The following OXSR1 variants were observed in gnomAD, a reference collection of about 807,000 sequenced individuals.
OXSR1 encodes serine/threonine-protein kinase OSR1.
Under a neutral mutation model 79.8 loss-of-function variants are expected in OXSR1, and 24 were observed. The ratio of observed to expected loss-of-function variants is 0.30; its 90% CI spans 0.22 to 0.42. OXSR1 has a LOEUF of 0.42. Ranked by LOEUF, OXSR1 falls within the 10% of genes least tolerant of loss-of-function variation. The pLI, the probability that OXSR1 is intolerant of heterozygous loss-of-function variation, is 1.00. For missense variants in OXSR1, 430 were observed against 618.4 expected (o/e 0.70, Z 3.23); for synonymous variants, 226 against 209.2 (o/e 1.08, Z -0.69).
At chr3:38,247,083 T>G (rs967073677) in intron 13 of OXSR1, among the ~76,000 whole-genome samples, 1 of 152,118 alleles carries the variant, frequency 6.6e-6, no homozygotes, top group African/African-American at 2.4e-5. Context: ...TCCCTCAAGC[T>G]TTCCATTTCT....
At chr3:38,213,259 G>T (rs191663321) in intron 4 of OXSR1, among the ~76,000 whole-genome samples, 71 of 152,244 alleles carry the variant, frequency 4.7e-4, no homozygotes, top group Non-Finnish European at 9.1e-4. Flanking sequence ...TTCCTGTGAT[G>T]TCATGAAAAT....
chr3:38,185,420 A>G (rs1348688538), intron 2 of OXSR1, among the ~76,000 whole-genome samples: 3 of 151,848 alleles, frequency 2.0e-5, no homozygotes, highest in African/African-American at 7.3e-5. Flanking sequence ...CCCTGTCTCT[A>G]TTAAAACAAT....
rs748449416 is a variant in OXSR1 at position 38,253,174 on chromosome 3, A to G, written c.*283A>G. On this transcript the variant is annotated 3_prime_UTR_variant, in exon 18 of 18. Coordinates refer to ENST00000311806, the MANE Select transcript of OXSR1 (RefSeq NM_005109.3). ...AAGTGGCCCATGTGCTTCAAGGCCC[A>G]GGAGGGAGATCTGTCAGCTCATTCT... 19 of 399,856 alleles carry G rather than the reference A, an allele frequency of 4.8e-5. No homozygotes were observed. Among genetic ancestry groups the G allele is most frequent in the African/African-American group, 8.2e-5 (4 of 48,534 alleles). 24.8% of individuals were successfully genotyped at this position (399,856 alleles called of 1,614,324 possible).
At position 38,253,824 on chromosome 3, in the gene OXSR1, G is replaced by A. The variant is rs1703307837; in HGVS notation, c.*933G>A. The A allele has an allele frequency of 4.7e-6, 1 of 210,824 alleles. No homozygotes were observed. Among genetic ancestry groups the A allele is most frequent in the South Asian group, 1.9e-4 (1 of 5,360 alleles). The allele number at this position is 210,824 out of a possible 1,614,324, so 13.1% of individuals were successfully genotyped here. ...GGTATGCAAGGCTGAGATTTCTACA[G>A]CAATAAAGGAGACACACACTGGGCC... On this transcript the variant is annotated 3_prime_UTR_variant, in exon 18 of 18. Coordinates refer to ENST00000311806, the MANE Select transcript of OXSR1 (RefSeq NM_005109.3).
chr3:38,223,739 C>T, intron 6 of OXSR1, 73 bp from the exon 7 acceptor site: 1 of 1,043,258 alleles, frequency 9.6e-7, no homozygotes, highest in Non-Finnish European at 1.5e-6. Context: ...TGTGAGCCTC[C>T]ACCCTGGCCA....
At chr3:38,223,975 G>A (rs1214728144) in intron 7 of OXSR1, 62 bp downstream of exon 7, 4 of 983,002 alleles carry the variant, frequency 4.1e-6, no homozygotes, top group Non-Finnish European at 6.1e-6. Context: ...AGAGCCATTT[G>A]CCAGTCTTTT....
At position 38,193,436 on chromosome 3, in the gene OXSR1, G is replaced by A. The variant is rs752367906; in HGVS notation, c.292+2597G>A. On this transcript the variant is annotated intron_variant, in intron 3 of 17. Coordinates refer to ENST00000311806, the MANE Select transcript of OXSR1 (RefSeq NM_005109.3). ...AGTATTAGGTAATACTGTATCTTTC[G>A]TTATTGATCACCTATAGCATAATTT... is the stretch of plus-strand genomic sequence containing the variant. 3 of 1,251,604 alleles carry A rather than the reference G, an allele frequency of 2.4e-6. No homozygotes were observed. In the South Asian group the frequency reaches 3.7e-5, roughly 16 times the overall value. The allele number at this position is 1,251,604 out of a possible 1,614,324, so 77.5% of individuals were successfully genotyped here. A position where few individuals can be genotyped will look rare whatever the true frequency, so the allele number is the denominator to read the frequency against.
intron 1 of OXSR1, among the ~76,000 whole-genome samples, chr3:38,170,645 C>T (rs374104303): frequency 2.6e-5 from 4 of 152,208 alleles, no homozygotes; most frequent in African/African-American, 7.2e-5. Context: ...AGCCATGTAG[C>T]TAATTAGAGG....
Position 38,183,058 on chromosome 3 carries a change from A to G in OXSR1, c.126A>G (p.Lys42=), listed in dbSNP as rs1466137201. 1 of 1,613,366 alleles carries G rather than the reference A, an allele frequency of 6.2e-7. No homozygotes were observed. The highest frequency in any genetic ancestry group is 1.7e-5 in the Admixed American group (1 of 59,916). ...CTTATTGTGCCCCTAAAAAGGAGAA[A>G]GTGGCAATCAAACGGATAAACCTTG... The part of the protein sequence containing the change: ...QAAYCAPKKE[K]VAIKRINLEK... The change falls in exon 2 of 18, where the codon AAA becomes AAG. Residue 42 remains lysine, a synonymous_variant. Transcript: ENST00000311806.
Position 38,165,882 on chromosome 3 carries a change from C to G in OXSR1, c.6C>G (p.Ser2=), listed in dbSNP as rs1559495497. Residue 2 remains serine, a synonymous_variant, in exon 1 of 18, where the codon TCC becomes TCG. Coordinates refer to ENST00000311806, the MANE Select transcript of OXSR1 (RefSeq NM_005109.3). Reference sequence around the variant, plus strand: ...CGCGAGCCGCTGCCGCCGTCATGTCCGAGGACTCGAGCGCCCTGCCCTGGT... The same window carrying G: ...CGCGAGCCGCTGCCGCCGTCATGTCGGAGGACTCGAGCGCCCTGCCCTGGT... The part of the protein sequence containing the change: M[S]EDSSALPWSI... The G allele has an allele frequency of 1.1e-5, 18 of 1,610,844 alleles. No individual in the cohort carries two copies. The highest frequency in any genetic ancestry group is 2.2e-5 in the South Asian group (2 of 90,706).
chr3:38,212,360 CTG>C (rs1474408213), intron 4 of OXSR1, among the ~76,000 whole-genome samples: 14 of 152,310 alleles, frequency 9.2e-5, no homozygotes, highest in African/African-American at 3.4e-4. Context: ...TCTGTCTCTA[CTG>C]TGTTTCCTCT....
At chr3:38,175,663 A>C (rs1701663980) in intron 1 of OXSR1, among the ~76,000 whole-genome samples, 1 of 152,176 alleles carries the variant, frequency 6.6e-6, no homozygotes, top group Admixed American at 6.5e-5. Context: ...ATTTTTTCTT[A>C]GTCCTGCTCA....
At chr3:38,249,797 G>A (rs539337393) in intron 14 of OXSR1, among the ~76,000 whole-genome samples, 169 bp from the exon 15 acceptor site, 5 of 152,184 alleles carry the variant, frequency 3.3e-5, no homozygotes, top group South Asian at 2.1e-4. Context: ...TGGTCATTCC[G>A]AATTGGTTTT....
At chr3:38,168,521 A>G (rs1028724452) in intron 1 of OXSR1, among the ~76,000 whole-genome samples, 2 of 152,224 alleles carry the variant, frequency 1.3e-5, no homozygotes, top group Non-Finnish European at 2.9e-5. Context: ...ATTTTGAGAT[A>G]TAATTTACGT....
chr3:38,208,237 A>C (rs1702308642), intron 4 of OXSR1, among the ~76,000 whole-genome samples: 1 of 152,018 alleles, frequency 6.6e-6, no homozygotes, highest in African/African-American at 2.4e-5. Context: ...TAACATGTTA[A>C]CCAGGTATAG....
At chr3:38,248,346 C>G (rs548074706) in intron 14 of OXSR1, among the ~76,000 whole-genome samples, 48 of 148,080 alleles carry the variant, frequency 3.2e-4, no homozygotes, top group African/African-American at 1.2e-3. Context: ...CCGCCCCCCC[C>G]GCCCCTAGCA....
intron 1 of OXSR1, among the ~76,000 whole-genome samples, chr3:38,182,427 A>G (rs1413793320): frequency 6.6e-6 from 1 of 152,228 alleles, no homozygotes; most frequent in Non-Finnish European, 1.5e-5. Context: ...TCTCTCTGCT[A>G]GGTCTCTGCT....
chr3:38,173,744 T>A (rs1701627360), intron 1 of OXSR1, among the ~76,000 whole-genome samples: 1 of 152,218 alleles, frequency 6.6e-6, no homozygotes, highest in African/African-American at 2.4e-5. Context: ...ATTCAGCAAA[T>A]ATTTCTTGAA....
At chr3:38,226,140 G>A (rs749147236) in intron 8 of OXSR1, among the ~76,000 whole-genome samples, 3 of 151,990 alleles carry the variant, frequency 2.0e-5, no homozygotes, top group African/African-American at 7.2e-5. Context: ...TGCACTGGAA[G>A]AACACTTTCA....
Sources: allele counts gnomAD v4.1 joint callset (sites outside exome capture counted in the v4.1 genomes callset), GRCh38; gene constraint gnomAD v4.1.1; transcripts MANE v1.5; gene names NCBI Gene and HGNC (gene_info 2026-07-23, HGNC 2026-07-21).